USP34: variants seen among roughly 807,000 people sequenced by gnomAD.
USP34 encodes the protein ubiquitin specific peptidase 34.
USP34 carries 70 observed loss-of-function variants against 460.3 expected under a neutral mutation model. That is an observed-to-expected ratio of 0.15 (90% CI 0.13 to 0.19). The LOEUF (loss-of-function observed/expected upper bound fraction) is 0.19. USP34 is among the 10% of genes least tolerant of loss of function. The pLI, the probability that USP34 is intolerant of heterozygous loss-of-function variation, is 1.00. For synonymous variants in USP34, 1,647 were observed against 1,405.3 expected, an observed-to-expected ratio of 1.17 and a Z score of -3.85; for missense variants, 3,985 against 4,236.2, an observed-to-expected ratio of 0.94 and a Z score of 1.65.
chr2:61,291,475 GCC>G (rs1689850112), intron 33 of USP34, among the ~76,000 whole-genome samples: 2 of 152,218 alleles, frequency 1.3e-5, no homozygotes, highest in African/African-American at 4.8e-5. Flanking sequence ...ATTGATAATA[GCC>G]CCAAACTGGA....
At chr2:61,361,366 G>C (rs1450791602) in intron 10 of USP34, among the ~76,000 whole-genome samples, 1 of 152,206 alleles carries the variant, frequency 6.6e-6, no homozygotes, top group Admixed American at 6.5e-5. Context: ...AGGCTGCAAT[G>C]AGCTGTGACT....
chr2:61,267,058 TATACA>T (rs1425137938), intron 41 of USP34, among the ~76,000 whole-genome samples: 1 of 152,222 alleles, frequency 6.6e-6, no homozygotes, highest in Non-Finnish European at 1.5e-5. Context: ...ACGTTCTTGG[TATACA>T]ATACATCACA....
At chr2:61,270,836 C>T (rs1462045158) in intron 41 of USP34, among the ~76,000 whole-genome samples, 2 of 152,194 alleles carry the variant, frequency 1.3e-5, no homozygotes, top group African/African-American at 4.8e-5. Context: ...TAGATGGCCA[C>T]CAAGTTTCTC....
At chr2:61,423,217 G>T (rs890594512) in intron 1 of USP34, among the ~76,000 whole-genome samples, 3 of 152,086 alleles carry the variant, frequency 2.0e-5, no homozygotes, top group Admixed American at 6.5e-5. Context: ...AGGTTCAAGC[G>T]ATTCTCCTGC....
rs1695946792 is a variant in USP34 at position 61,471,035 on chromosome 2, A to T, written c.-343T>A. On this transcript the variant is annotated 5_prime_UTR_variant, in exon 1 of 80. Coordinates refer to ENST00000398571, the MANE Select transcript of USP34 (RefSeq NM_014709.4). ...GCAGCAGAGTCACTTCACCGACCAGACGCCGCGGCCACCGCCGACGCCGCC... is the reference window on the plus strand; with the variant it reads ...GCAGCAGAGTCACTTCACCGACCAGTCGCCGCGGCCACCGCCGACGCCGCC... Among the ~76,000 whole-genome samples, 2 of 147,310 alleles carry T rather than the reference A, an allele frequency of 1.4e-5. No individual in the cohort carries two copies. The highest frequency in any genetic ancestry group is 3.0e-5 in the Non-Finnish European group (2 of 66,836).
chr2:61,239,559 G>A (rs958511223), intron 53 of USP34, among the ~76,000 whole-genome samples: 6 of 152,110 alleles, frequency 3.9e-5, no homozygotes, highest in African/African-American at 1.4e-4. Flanking sequence ...TTATGATGAT[G>A]ATTGAGATAA....
At chr2:61,413,716 G>A (rs1374048500) in intron 2 of USP34, among the ~76,000 whole-genome samples, 110 of 131,848 alleles carry the variant, frequency 8.3e-4, no homozygotes, top group Middle Eastern at 5.3e-3. Context: ...AGTGGCTCAC[G>A]CCTGTAATCC....
At chr2:61,279,805 A>T (rs1237965147) in intron 39 of USP34, among the ~76,000 whole-genome samples, 2 of 152,216 alleles carry the variant, frequency 1.3e-5, no homozygotes, top group Non-Finnish European at 2.9e-5. Flanking sequence ...TTGAATGGAA[A>T]TGTCATTTTA....
chr2:61,348,873 AGCT>A lies in USP34; in HGVS notation c.1554_1556del (p.Ala519del). The A allele has an allele frequency of 6.2e-7, 1 of 1,611,218 alleles. No homozygotes were observed. The highest frequency in any genetic ancestry group is 8.5e-7 in the Non-Finnish European group (1 of 1,179,042). ...CGCTATTATCACTGCTTTGAGGACT[AGCT>A]GCAGGTGACCCTATATAAAATACAT... On this transcript the variant is annotated inframe_deletion, in exon 14 of 80. Transcript: ENST00000398571.
chr2:61,459,546 G>C (rs895372485), intron 1 of USP34, among the ~76,000 whole-genome samples: 1 of 152,058 alleles, frequency 6.6e-6, no homozygotes, highest in Non-Finnish European at 1.5e-5. Flanking sequence ...AGGCCAAGAC[G>C]GGCGGATCAC....
In USP34 at chr2:61,437,796, A is replaced by AATAAATAAATAAATAT. The variant is rs1694857782; in HGVS notation, c.44-16964_44-16963insATATTTATTTATTTAT. Among the ~76,000 whole-genome samples, 6 of 149,646 alleles carry AATAAATAAATAAATAT rather than the reference A, an allele frequency of 4.0e-5. No homozygotes were observed. In the South Asian group the frequency reaches 1.0e-3, roughly 26 times the overall value. ...TCAAAAATAAATAAATAAATAAATA[A>AATAAATAAATAAATAT]ATAAATAAATAAATAAATAAAAAAC... is the stretch of plus-strand genomic sequence containing the variant. On this transcript the variant is annotated intron_variant, in intron 1 of 79. Transcript: ENST00000398571.
chr2:61,204,568 T>C lies in USP34; in HGVS notation c.9188A>G (p.His3063Arg), dbSNP rs780476354. Residue 3063 changes from histidine to arginine, a missense_variant, in exon 73 of 80, where the codon CAT becomes CGT. Around this residue, in one of 14 missense-constraint regions of USP34, gnomAD observed 275 missense variants for 292.7 expected, o/e 0.94. Coordinates refer to ENST00000398571, the MANE Select transcript of USP34 (RefSeq NM_014709.4). The stretch of plus-strand genomic sequence containing the variant: ...GGGAACCAGAGTATGAAGAAAATCA[T>C]GGGGACTCAAAAGTACAAGTTCCTT... ...VLKELVLLSP[H>R]DFLHTLVPFL... 5.6e-5 allele frequency: 90 copies of C among 1,613,922 alleles called. No homozygotes were observed. Among genetic ancestry groups the C allele is most frequent in the Non-Finnish European group, 7.1e-5 (84 of 1,179,996 alleles).
At chr2:61,443,012 T>C (rs1472212120) in intron 1 of USP34, among the ~76,000 whole-genome samples, 2 of 152,042 alleles carry the variant, frequency 1.3e-5, no homozygotes, top group African/African-American at 2.4e-5. Context: ...GAGGACATTA[T>C]CTTATGTGAA....
In USP34 at chr2:61,214,085, G is replaced by T. The variant is rs1292873477; in HGVS notation, c.8657C>A (p.Thr2886Lys). ...QNIQWAFKNL[T>K]PHASQYPGAV... ...TCCAGGGTATTGGCTGGCATGTGGT[G>T]TAAGATTCTTAAAGGCCCACTGGAT... The change falls in exon 68 of 80, where the codon ACA becomes AAA. Residue 2886 changes from threonine to lysine, a missense_variant. Thr to Lys is a moderately conservative substitution (Grantham distance 78). Around this residue, in one of 14 missense-constraint regions of USP34, gnomAD observed 275 missense variants for 292.7 expected, o/e 0.94. Transcript: ENST00000398571. 1.2e-6 allele frequency: 2 copies of T among 1,614,202 alleles called. No individual in the cohort carries two copies. The highest frequency in any genetic ancestry group is 1.1e-5 in the South Asian group (1 of 91,088).
intron 1 of USP34, among the ~76,000 whole-genome samples, chr2:61,426,794 G>A (rs1694524819): frequency 6.6e-6 from 1 of 152,186 alleles, no homozygotes; most frequent in Admixed American, 6.5e-5. Flanking sequence ...ACCCAGCACA[G>A]TCATGGTGGC....
At chr2:61,232,116 C>T (rs577515779) in intron 58 of USP34, among the ~76,000 whole-genome samples, 3 of 152,154 alleles carry the variant, frequency 2.0e-5, no homozygotes, top group African/African-American at 7.2e-5. Flanking sequence ...TAGTACCCTA[C>T]CATGGTTAGA....
intron 5 of USP34, among the ~76,000 whole-genome samples, chr2:61,383,807 T>C (rs1162970646): frequency 6.6e-6 from 1 of 152,176 alleles, no homozygotes; most frequent in African/African-American, 2.4e-5. Context: ...AAGAGTATAG[T>C]ACAAAACAGA....
intron 18 of USP34, among the ~76,000 whole-genome samples, chr2:61,334,216 A>C (rs1691352299): frequency 6.6e-6 from 1 of 152,164 alleles, no homozygotes; most frequent in East Asian, 1.9e-4. Flanking sequence ...CTGGGTAAAA[A>C]AGCAAGTGAA....
intron 33 of USP34, among the ~76,000 whole-genome samples, chr2:61,290,513 T>A (rs1257280499): frequency 6.6e-6 from 1 of 152,122 alleles, no homozygotes; most frequent in Non-Finnish European, 1.5e-5. Context: ...GAAAAACATT[T>A]AACAACCTCA....
Sources: gnomAD v4.1 joint callset for allele counts (sites outside exome capture counted in the v4.1 genomes callset) on GRCh38, gnomAD v4.1.1 for gene constraint, gnomAD v4.1.1 regional missense constraint, MANE v1.5 for transcripts, NCBI Gene and HGNC (gene_info 2026-07-23, HGNC 2026-07-21) for gene names.